CPNE4: variants seen among roughly 807,000 people sequenced by gnomAD.
CPNE4 encodes copine-4.
In CPNE4, 25 loss-of-function variants were observed where a neutral mutation model predicts 67.9. The ratio of observed to expected loss-of-function variants is 0.37; its 90% confidence interval spans 0.27 to 0.51. CPNE4 has a LOEUF of 0.51. Among genes scored for constraint, CPNE4 ranks in the 20% least tolerant of loss-of-function variants. CPNE4 has a pLI of 0.93. For synonymous variants in CPNE4, 242 were observed against 244.9 expected (o/e 0.99, Z 0.11); for missense variants, 464 against 690.8 (o/e 0.67, Z 3.68).
intron 2 of CPNE4, among the ~76,000 whole-genome samples, chr3:131,828,799 G>C (rs905539713): frequency 1.3e-5 from 2 of 152,092 alleles, no homozygotes; most frequent in Admixed American, 1.3e-4. Context: ...TTGCATCACT[G>C]CCCTCCATCC....
At chr3:131,584,142 C>T (rs896833091) in intron 8 of CPNE4, among the ~76,000 whole-genome samples, 1 of 152,138 alleles carries the variant, frequency 6.6e-6, no homozygotes, top group African/African-American at 2.4e-5. Flanking sequence ...GTTCTCTCCT[C>T]TTTTTTTCTC....
intron 7 of CPNE4, among the ~76,000 whole-genome samples, chr3:131,615,228 G>C (rs1559986653): frequency 1.3e-5 from 2 of 152,176 alleles, no homozygotes; most frequent in Non-Finnish European, 2.9e-5. Flanking sequence ...GACATGGAGA[G>C]AATCAAATAC....
intron 2 of CPNE4, among the ~76,000 whole-genome samples, chr3:131,815,309 G>T (rs2084693149): frequency 6.6e-6 from 1 of 152,154 alleles, no homozygotes; most frequent in Admixed American, 6.5e-5. Context: ...CTTTTTACTT[G>T]AGAAGATGGG....
At chr3:131,954,488 G>A (rs2071877090) in intron 1 of CPNE4, among the ~76,000 whole-genome samples, 1 of 151,282 alleles carries the variant, frequency 6.6e-6, no homozygotes, top group Non-Finnish European at 1.5e-5. Flanking sequence ...TTTACTGGTA[G>A]AAGAACTCTT....
In CPNE4 at chr3:131,993,862, G is replaced by T. The variant is rs544840471; in HGVS notation, c.-2+40705C>A. 5.2e-5 allele frequency among the ~76,000 whole-genome samples: 7 copies of T among 135,334 alleles called. 2 individuals carry two copies. The highest frequency in any genetic ancestry group is 1.2e-4 in the Non-Finnish European group (7 of 59,698). The allele number at this position is 135,334 out of a possible 152,430, so 88.8% of individuals were successfully genotyped here. The stretch of plus-strand genomic sequence containing the variant: ...ATACAAGAAAAAGACATACAAATTA[G>T]GAAGAAACAAGAAACAATGCTGTCT... On this transcript the variant is annotated intron_variant, in intron 1 of 15. Coordinates refer to ENST00000429747, the MANE Select transcript of CPNE4 (RefSeq NM_130808.3).
At chr3:131,910,877 AT>A (rs1237509755) in intron 1 of CPNE4, among the ~76,000 whole-genome samples, 1 of 152,130 alleles carries the variant, frequency 6.6e-6, no homozygotes, top group Non-Finnish European at 1.5e-5. Flanking sequence ...AAAACCGTAA[AT>A]GTTCTTTTCA....
chr3:131,885,303 A>C (rs2107727986), intron 2 of CPNE4, among the ~76,000 whole-genome samples: 1 of 151,562 alleles, frequency 6.6e-6, no homozygotes, highest in African/African-American at 2.4e-5. Context: ...AACTTGAGAT[A>C]GATGATTTAG....
At chr3:131,546,969 A>C (rs934706350) in intron 14 of CPNE4, among the ~76,000 whole-genome samples, 1 of 152,190 alleles carries the variant, frequency 6.6e-6, no homozygotes, top group African/African-American at 2.4e-5. Context: ...CATTTGAAGA[A>C]TTGGTTCTGG....
intron 1 of CPNE4, among the ~76,000 whole-genome samples, chr3:132,010,774 C>T (rs1013682874): frequency 6.6e-6 from 1 of 152,182 alleles, no homozygotes; most frequent in Non-Finnish European, 1.5e-5. Context: ...GTCTGACACC[C>T]CTCCTCCCAC....
chr3:131,719,047 G>A (rs1394458340), intron 3 of CPNE4, among the ~76,000 whole-genome samples: 2 of 152,168 alleles, frequency 1.3e-5, no homozygotes, highest in Non-Finnish European at 2.9e-5. Flanking sequence ...TGAGAGGGTG[G>A]TTGCCAAAGA....
intron 3 of CPNE4, among the ~76,000 whole-genome samples, chr3:131,717,718 C>G (rs879376900): frequency 2.6e-5 from 4 of 152,264 alleles, no homozygotes; most frequent in Non-Finnish European, 4.4e-5. Context: ...CTGGCCCCCT[C>G]TTTTCAGTTT....
At chr3:131,578,184 C>CT (rs1441314080) in intron 9 of CPNE4, among the ~76,000 whole-genome samples, 8 of 152,060 alleles carry the variant, frequency 5.3e-5, no homozygotes, top group Admixed American at 4.6e-4. Context: ...TATGTGCTCG[C>CT]TTTGTGTCTG....
intron 1 of CPNE4, among the ~76,000 whole-genome samples, chr3:131,963,699 G>T (rs2072253391): frequency 6.6e-6 from 1 of 152,186 alleles, no homozygotes; most frequent in East Asian, 1.9e-4. Flanking sequence ...CTCTTCACTG[G>T]GCAGGGCATC....
At chr3:131,802,085 C>T (rs1272008483) in intron 2 of CPNE4, among the ~76,000 whole-genome samples, 1 of 151,964 alleles carries the variant, frequency 6.6e-6, no homozygotes, top group African/African-American at 2.4e-5. Flanking sequence ...CAGAACATGA[C>T]CAGAAGGACT....
At chr3:131,741,595 G>A (rs17294590) in intron 2 of CPNE4, among the ~76,000 whole-genome samples, 14,221 of 152,110 alleles carry the variant, frequency 0.093, 913 homozygotes, top group Non-Finnish European at 0.14. Flanking sequence ...AAAATCTTAC[G>A]TTACTGAAAC....
rs373043127 is a variant in CPNE4 at position 131,718,684 on chromosome 3, T to C, written c.360+4762A>G. ...AGCCCTTGGATTCACATTTCTATTG[T>C]AGTGCTTAGTAATATGCATTTTGAG... On this transcript the variant is annotated intron_variant, in intron 3 of 15. Coordinates refer to ENST00000429747, the MANE Select transcript of CPNE4 (RefSeq NM_130808.3). Among the ~76,000 whole-genome samples, 63 of 152,336 alleles carry C rather than the reference T, an allele frequency of 4.1e-4. 2 individuals carry two copies. In the South Asian group the frequency reaches 0.011, roughly 26 times the overall value.
intron 7 of CPNE4, among the ~76,000 whole-genome samples, chr3:131,603,896 G>T (rs1166858122): frequency 6.6e-6 from 1 of 152,042 alleles, no homozygotes; most frequent in Non-Finnish European, 1.5e-5. Flanking sequence ...CATTTTCCAG[G>T]GGCTAAAGGC....
intron 2 of CPNE4, among the ~76,000 whole-genome samples, chr3:131,891,350 A>G (rs1176914362): frequency 1.3e-5 from 2 of 152,076 alleles, no homozygotes; most frequent in Non-Finnish European, 2.9e-5. Context: ...AATATATTTT[A>G]GAAAATATTC....
chr3:131,990,244 A>C (rs894319576), intron 1 of CPNE4, among the ~76,000 whole-genome samples: 2 of 136,608 alleles, frequency 1.5e-5, no homozygotes, highest in Non-Finnish European at 3.3e-5. Flanking sequence ...CAGTAAGTTT[A>C]GTTTTACGAA....
Sources: allele counts gnomAD v4.1 joint callset (sites outside exome capture counted in the v4.1 genomes callset), GRCh38; gene constraint gnomAD v4.1.1; transcripts MANE v1.5; gene names NCBI Gene and HGNC (gene_info 2026-07-23, HGNC 2026-07-21).